PDZRN4: variants seen among roughly 807,000 people sequenced by gnomAD.
PDZRN4 encodes the protein PDZ domain-containing RING finger protein 4.
PDZRN4 carries 70 observed loss-of-function variants against 99.0 expected under a neutral mutation model. That is an observed-to-expected ratio of 0.71 (90% CI 0.58 to 0.86). PDZRN4 has a LOEUF of 0.86. Ranked by LOEUF, PDZRN4 falls within the 40% of genes least tolerant of loss-of-function variation. The probability of loss-of-function intolerance (pLI) is 0.00; values close to 1 mark genes in which losing one functional copy is unlikely to be tolerated. For synonymous variants in PDZRN4, 551 were observed against 501.6 expected, an observed-to-expected ratio of 1.10 and a Z score of -1.32; for missense variants, 1,474 against 1,331.2, an observed-to-expected ratio of 1.11 and a Z score of -1.67.
rs3042934 is a variant in PDZRN4, at chr12:41,254,034, C to CGTGT, written c.843+59865_843+59868dup. Reference sequence around the variant, plus strand: ...GGAAATATATATATATATGTGTGTGCGTGTGTGTGTGTGTGTGTGTGTTTG... The same window carrying CGTGT: ...GGAAATATATATATATATGTGTGTGCGTGTGTGTGTGTGTGTGTGTGTGTGTTTG... On this transcript the variant is annotated intron_variant, in intron 3 of 9. Transcript: ENST00000402685. Among the ~76,000 whole-genome samples, 4 of 149,262 alleles carry CGTGT rather than the reference C, an allele frequency of 2.7e-5. No individual in the cohort carries two copies. The East Asian group carries it at 5.9e-4, about 22-fold the overall frequency.
chr12:41,211,600 C>T (rs1032364882), intron 3 of PDZRN4, among the ~76,000 whole-genome samples: 24 of 151,874 alleles, frequency 1.6e-4, no homozygotes, highest in African/African-American at 5.1e-4. Flanking sequence ...TATCCTGAAA[C>T]TGCAAACCTA....
At chr12:41,214,869 G>A (rs543486510) in intron 3 of PDZRN4, among the ~76,000 whole-genome samples, 2 of 152,104 alleles carry the variant, frequency 1.3e-5, no homozygotes, top group South Asian at 2.1e-4. Context: ...GCTATATAAT[G>A]TATCTGTTTG....
At chr12:41,546,027 G>A (rs1177620668) in intron 5 of PDZRN4, among the ~76,000 whole-genome samples, 3 of 152,140 alleles carry the variant, frequency 2.0e-5, no homozygotes, top group African/African-American at 7.2e-5. Flanking sequence ...AGGAATTATG[G>A]CACTAGTTCC....
intron 5 of PDZRN4, among the ~76,000 whole-genome samples, chr12:41,525,246 T>G (rs1938549890): frequency 6.6e-6 from 1 of 152,058 alleles, no homozygotes; most frequent in Non-Finnish European, 1.5e-5. Flanking sequence ...CTTTCAAAAT[T>G]TTATTACCAA....
At chr12:41,273,266 G>C (rs577519989) in intron 3 of PDZRN4, among the ~76,000 whole-genome samples, 6 of 152,148 alleles carry the variant, frequency 3.9e-5, no homozygotes, top group African/African-American at 9.6e-5. Flanking sequence ...TAGAAGGAAA[G>C]CAAGTTATAA....
At chr12:41,322,487 C>CTTTT (rs71081724) in intron 3 of PDZRN4, among the ~76,000 whole-genome samples, 33,714 of 89,396 alleles carry the variant, frequency 0.38, 8,451 homozygotes, top group East Asian at 0.5. Flanking sequence ...ATTTTCTTTC[C>CTTTT]TTTTTTTTTT....
chr12:41,230,286 C>T (rs1951019562), intron 3 of PDZRN4, among the ~76,000 whole-genome samples: 1 of 151,978 alleles, frequency 6.6e-6, no homozygotes, highest in Non-Finnish European at 1.5e-5. Flanking sequence ...GACACTTATA[C>T]ATCCATGATT....
At chr12:41,442,924 T>A (rs1952692494) in intron 3 of PDZRN4, among the ~76,000 whole-genome samples, 1 of 152,164 alleles carries the variant, frequency 6.6e-6, no homozygotes, top group African/African-American at 2.4e-5. Flanking sequence ...TCCAATACCT[T>A]CCTATGATAA....
chr12:41,334,402 AAAAG>A (rs1565554752), intron 3 of PDZRN4, among the ~76,000 whole-genome samples: 1 of 150,900 alleles, frequency 6.6e-6, no homozygotes, highest in African/African-American at 2.4e-5. Context: ...AAAAAAAAAA[AAAAG>A]AAAGAAAGAA....
At chr12:41,486,411 C>T (rs1937774286) in intron 3 of PDZRN4, among the ~76,000 whole-genome samples, 1 of 152,020 alleles carries the variant, frequency 6.6e-6, no homozygotes, top group Non-Finnish European at 1.5e-5. Flanking sequence ...TCATCTCTGT[C>T]ATGCAAAAAA....
At chr12:41,456,326 A>C (rs1236550494) in intron 3 of PDZRN4, among the ~76,000 whole-genome samples, 1 of 148,824 alleles carries the variant, frequency 6.7e-6, no homozygotes, top group African/African-American at 2.5e-5. Context: ...TAACTCAAAA[A>C]TTTATAAAAG....
chr12:41,272,764 A>T (rs1382000711), intron 3 of PDZRN4, among the ~76,000 whole-genome samples: 1 of 152,066 alleles, frequency 6.6e-6, no homozygotes, highest in East Asian at 1.9e-4. Context: ...TCTTTATTTT[A>T]TAATAACATA....
At chr12:41,274,577 A>G (rs138400659) in intron 3 of PDZRN4, among the ~76,000 whole-genome samples, 4 of 152,288 alleles carry the variant, frequency 2.6e-5, no homozygotes, top group African/African-American at 7.2e-5. Flanking sequence ...AATACCAACT[A>G]AAGTCTATGT....
At chr12:41,413,068 C>G (rs1216725397) in intron 3 of PDZRN4, 2 of 146,988 alleles carry the variant, frequency 1.4e-5, no homozygotes, top group African/African-American at 5.1e-5. Flanking sequence ...CCAGCCTGGG[C>G]AACAGAGTGA....
chr12:41,452,908 C>A (rs549795244), intron 3 of PDZRN4, among the ~76,000 whole-genome samples: 38 of 152,106 alleles, frequency 2.5e-4, no homozygotes, highest in African/African-American at 8.2e-4. Context: ...CAGAGATTTG[C>A]GTGTGAGAAG....
chr12:41,528,471 G>A (rs1938608085), intron 5 of PDZRN4, among the ~76,000 whole-genome samples: 1 of 152,176 alleles, frequency 6.6e-6, no homozygotes, highest in African/African-American at 2.4e-5. Context: ...AAAGGAAAGA[G>A]CCAAATTCTT....
At chr12:41,226,643 A>T (rs1950997118) in intron 3 of PDZRN4, among the ~76,000 whole-genome samples, 2 of 152,174 alleles carry the variant, frequency 1.3e-5, no homozygotes, top group African/African-American at 4.8e-5. Context: ...TGTAGCTCTG[A>T]TGTATAAAAC....
At chr12:41,205,438 C>A (rs1182171167) in intron 3 of PDZRN4, among the ~76,000 whole-genome samples, 1 of 151,946 alleles carries the variant, frequency 6.6e-6, no homozygotes, top group African/African-American at 2.4e-5. Context: ...CTCTGGCACT[C>A]CTATATAAAT....
chr12:41,530,932 C>A (rs1241377163), intron 5 of PDZRN4, among the ~76,000 whole-genome samples: 1 of 152,088 alleles, frequency 6.6e-6, no homozygotes, highest in Non-Finnish European at 1.5e-5. Context: ...GCTGCTCAAA[C>A]CCCTAGGGTA....
Sources: allele counts gnomAD v4.1 joint callset (sites outside exome capture counted in the v4.1 genomes callset), GRCh38; gene constraint gnomAD v4.1.1; transcripts MANE v1.5; gene names NCBI Gene and HGNC (gene_info 2026-07-23, HGNC 2026-07-21).